Variants in RPS6KC1 observed in about 807,000 individuals in gnomAD.
The protein encoded by RPS6KC1 is inactive ribosomal protein S6 kinase delta-1.
RPS6KC1 carries 54 observed loss-of-function variants against 103.8 expected under a neutral mutation model. That is an observed-to-expected ratio of 0.52 (90% CI 0.42 to 0.65). The LOEUF is 0.65. RPS6KC1 is among the 30% of genes least tolerant of loss of function. RPS6KC1 has a pLI of 0.00. For synonymous variants in RPS6KC1, 439 were observed against 438.7 expected, an observed-to-expected ratio of 1.00 and a Z score of -0.01; for missense variants, 1,151 against 1,253.8, an observed-to-expected ratio of 0.92 and a Z score of 1.24.
chr1:213,189,310 G>A (rs1164273336), intron 8 of RPS6KC1, among the ~76,000 whole-genome samples: 2 of 152,046 alleles, frequency 1.3e-5, no homozygotes, highest in African/African-American at 4.8e-5. Context: ...TTAGCCAGGC[G>A]TGATGATGGG....
At chr1:213,692,404 T>A in the RPS6KC1 span, among the ~76,000 whole-genome samples, 2,568 of 131,412 alleles carry the variant, frequency 0.02, 81 homozygotes, top group African/African-American at 0.063. Context: ...AAAAAAAAAA[T>A]AAATAAAGTT....
At chr1:213,822,900 T>C in the RPS6KC1 span, among the ~76,000 whole-genome samples, 3 of 152,160 alleles carry the variant, frequency 2.0e-5, no homozygotes, top group Non-Finnish European at 4.4e-5. Context: ...CCTTCTATAA[T>C]CTACTATCTT....
At chr1:213,633,874 CAAAAAAAAAAAAAAAAAAAAAAAA>C in the RPS6KC1 span, among the ~76,000 whole-genome samples, 4 of 8,266 alleles carry the variant, frequency 4.8e-4, no homozygotes, top group South Asian at 6.1e-3. Flanking sequence ...AAATGGAAAG[CAAAAAAAAAAAAAAAAAAAAAAAA>C]AAAAAAAAAA....
intron 6 of RPS6KC1, among the ~76,000 whole-genome samples, chr1:213,151,229 C>A (rs1394178975): frequency 8.4e-6 from 1 of 119,428 alleles, no homozygotes; most frequent in South Asian, 2.8e-4. Flanking sequence ...CTGACCCCCC[C>A]ACCTCCCTCC....
At chr1:213,298,067 G>C in the RPS6KC1 span, among the ~76,000 whole-genome samples, 2 of 152,182 alleles carry the variant, frequency 1.3e-5, no homozygotes, top group African/African-American at 4.8e-5. Flanking sequence ...GCAGCTACAG[G>C]GTGAGGTTCA....
At chr1:213,234,089 CATA>C (rs1478964499) in intron 10 of RPS6KC1, among the ~76,000 whole-genome samples, 1 of 149,322 alleles carries the variant, frequency 6.7e-6, no homozygotes, top group Non-Finnish European at 1.5e-5. Flanking sequence ...ATGGTACAAT[CATA>C]GCTCACTGTA....
the RPS6KC1 span, among the ~76,000 whole-genome samples, chr1:213,372,106 G>T: frequency 1.3e-5 from 2 of 152,196 alleles, no homozygotes; most frequent in African/African-American, 4.8e-5. Context: ...GACAGGCAGC[G>T]GAAGTGGAAG....
the RPS6KC1 span, among the ~76,000 whole-genome samples, chr1:213,546,849 A>C: frequency 6.6e-6 from 1 of 152,204 alleles, no homozygotes; most frequent in Admixed American, 6.5e-5. Flanking sequence ...ATTCTTAACT[A>C]AGGTCCATCA....
chr1:213,386,463 T>C, the RPS6KC1 span, among the ~76,000 whole-genome samples: 1,873 of 152,326 alleles, frequency 0.012, 36 homozygotes, highest in African/African-American at 0.043. Flanking sequence ...ATGAAGTGCT[T>C]AGAGCCTTGC....
chr1:213,758,482 G>A, the RPS6KC1 span, among the ~76,000 whole-genome samples: 14 of 152,050 alleles, frequency 9.2e-5, no homozygotes, highest in African/African-American at 2.7e-4. Flanking sequence ...GGAGGCTGAG[G>A]CAGGAGAATC....
chr1:213,378,995 G>C, the RPS6KC1 span, among the ~76,000 whole-genome samples: 3 of 152,204 alleles, frequency 2.0e-5, no homozygotes, highest in African/African-American at 7.2e-5. Flanking sequence ...GGTCCTAGGG[G>C]AGAAGTGTGG....
chr1:213,810,912 C>T, the RPS6KC1 span, among the ~76,000 whole-genome samples: 1 of 152,190 alleles, frequency 6.6e-6, no homozygotes, highest in Admixed American at 6.5e-5. Flanking sequence ...AATTCAAACC[C>T]AGCTTCCACT....
At chr1:213,121,161 T>G (rs979930518) in intron 5 of RPS6KC1, among the ~76,000 whole-genome samples, 9 of 152,208 alleles carry the variant, frequency 5.9e-5, no homozygotes, top group African/African-American at 2.2e-4. Context: ...CTCGAACTCT[T>G]AGACGCAAGT....
At chr1:213,156,142 A>T (rs564639249) in intron 6 of RPS6KC1, among the ~76,000 whole-genome samples, 1 of 152,290 alleles carries the variant, frequency 6.6e-6, no homozygotes, top group East Asian at 1.9e-4. Flanking sequence ...ATCTTGAAAA[A>T]GTTAAGTGGA....
chr1:213,225,883 T>C (rs754937140), intron 8 of RPS6KC1, among the ~76,000 whole-genome samples: 13 of 152,216 alleles, frequency 8.5e-5, no homozygotes, highest in Non-Finnish European at 1.9e-4. Flanking sequence ...TATATAGATA[T>C]GTCTTGTTCA....
the RPS6KC1 span, among the ~76,000 whole-genome samples, chr1:213,360,051 C>T: frequency 1.6e-4 from 25 of 152,126 alleles, no homozygotes; most frequent in African/African-American, 4.3e-4. Context: ...TTGCTGTTCT[C>T]GAGGAGTATC....
intron 4 of RPS6KC1, among the ~76,000 whole-genome samples, chr1:213,106,272 C>G (rs1281067376): frequency 6.6e-6 from 1 of 151,746 alleles, no homozygotes; most frequent in Non-Finnish European, 1.5e-5. Flanking sequence ...ATTCCATTAG[C>G]TTGAACAAAA....
chr1:213,694,312 G>A, the RPS6KC1 span, among the ~76,000 whole-genome samples: 2 of 152,172 alleles, frequency 1.3e-5, no homozygotes, highest in Non-Finnish European at 1.5e-5. Context: ...ACATTCCTTA[G>A]CAAAGCTGTC....
intron 5 of RPS6KC1, among the ~76,000 whole-genome samples, chr1:213,128,536 A>G (rs1183717595): frequency 3.3e-5 from 5 of 152,178 alleles, no homozygotes; most frequent in Non-Finnish European, 5.9e-5. Flanking sequence ...CTCATTTACC[A>G]TGATGTCAGT....
Sources: allele counts gnomAD v4.1 joint callset (sites outside exome capture counted in the v4.1 genomes callset), GRCh38; gene constraint gnomAD v4.1.1; transcripts MANE v1.5; gene names NCBI Gene and HGNC (gene_info 2026-07-23, HGNC 2026-07-21).